LRRFIP2: variants seen among roughly 807,000 people sequenced by gnomAD.
LRRFIP2 encodes the protein LRR binding FLII interacting protein 2.
A neutral mutation model predicts 125.9 loss-of-function variants in LRRFIP2; 109 were observed. The observed-to-expected ratio is 0.87, with a 90% CI of 0.74 to 1.01. LRRFIP2 has a LOEUF of 1.01. Among genes scored for constraint, LRRFIP2 ranks in the 50% least tolerant of loss-of-function variants. The pLI, the probability that LRRFIP2 is intolerant of heterozygous loss-of-function variation, is 0.00. For missense variants in LRRFIP2, 850 were observed against 862.3 expected (o/e 0.99, Z 0.18); for synonymous variants, 291 against 293.1 (o/e 0.99, Z 0.07).
intron 1 of LRRFIP2, among the ~76,000 whole-genome samples, chr3:37,157,121 C>A (rs1459019111): frequency 2.6e-5 from 4 of 151,990 alleles, no homozygotes; most frequent in Non-Finnish European, 5.9e-5. Context: ...AAGAGTGCAA[C>A]CCCGTCTCAA....
rs547268419 is a variant in LRRFIP2 at position 37,115,241 on chromosome 3, T to C, written c.331-146A>G. ...AAACATGAAAGCTAATCCAGTTGAA[T>C]TAAAAAATATTCTTCCTCCTACTTT... On this transcript the variant is annotated intron_variant, in intron 6 of 27. Coordinates refer to ENST00000336686, the MANE Select transcript of LRRFIP2 (RefSeq NM_006309.4). 5.2e-6 allele frequency: 3 copies of C among 572,482 alleles called. No individual in the cohort carries two copies. The Admixed American group carries it at 8.8e-5, about 17-fold the overall frequency. 35.5% of individuals were successfully genotyped at this position (572,482 alleles called of 1,614,324 possible).
At chr3:37,056,491 T>G (rs1194832898) in intron 25 of LRRFIP2, among the ~76,000 whole-genome samples, 1 of 151,638 alleles carries the variant, frequency 6.6e-6, no homozygotes, top group Non-Finnish European at 1.5e-5. Flanking sequence ...TCTCGCTCTG[T>G]CGCCCAGGCT....
At chr3:37,134,699 C>G in intron 2 of LRRFIP2, 2 of 748,214 alleles carry the variant, frequency 2.7e-6, no homozygotes, top group Admixed American at 3.6e-5. Context: ...GTGATTTGGC[C>G]CATGACCCTC....
chr3:37,097,386 C>G (rs2093776996), intron 15 of LRRFIP2, among the ~76,000 whole-genome samples: 1 of 151,998 alleles, frequency 6.6e-6, no homozygotes, highest in African/African-American at 2.4e-5. Context: ...TGAGAAATTA[C>G]TTCATCTTTC....
chr3:37,137,562 T>A (rs2095588515), intron 2 of LRRFIP2, among the ~76,000 whole-genome samples: 1 of 152,194 alleles, frequency 6.6e-6, no homozygotes, highest in Non-Finnish European at 1.5e-5. Context: ...GTTCTCTGAA[T>A]AGAGAACTAG....
chr3:37,134,994 ATC>A, intron 2 of LRRFIP2: 1 of 1,518,112 alleles, frequency 6.6e-7, no homozygotes, highest in Non-Finnish European at 9.1e-7. Context: ...CTGCTATGTG[ATC>A]CAAACCCAGA....
intron 21 of LRRFIP2, 63 bp downstream of exon 21, chr3:37,072,727 G>T: frequency 1.0e-6 from 1 of 966,690 alleles, no homozygotes; most frequent in East Asian, 2.5e-5. Flanking sequence ...TCAATCTCTA[G>T]GTTAAATTCT....
intron 4 of LRRFIP2, among the ~76,000 whole-genome samples, chr3:37,122,548 T>A (rs1429620331): frequency 2.0e-5 from 3 of 152,234 alleles, no homozygotes; most frequent in Non-Finnish European, 4.4e-5. Context: ...TTATCACTGA[T>A]GTATTTTAAG....
intron 4 of LRRFIP2, among the ~76,000 whole-genome samples, chr3:37,125,208 AAC>A (rs1264471511): frequency 1.3e-5 from 2 of 152,210 alleles, no homozygotes; most frequent in African/African-American, 4.8e-5. Context: ...CTTTTCTGTC[AAC>A]AAATAGTATT....
intron 2 of LRRFIP2, chr3:37,134,745 AT>A: frequency 1.3e-6 from 1 of 777,358 alleles, no homozygotes; most frequent in Non-Finnish European, 2.3e-6. Context: ...TGAGGATGGT[AT>A]GTTTCATTGG....
At chr3:37,156,307 C>CT (rs1418263842) in intron 1 of LRRFIP2, among the ~76,000 whole-genome samples, 1 of 151,874 alleles carries the variant, frequency 6.6e-6, no homozygotes, top group Non-Finnish European at 1.5e-5. Flanking sequence ...AAGTGAAACT[C>CT]TATCTTTAAA....
In LRRFIP2 at chr3:37,100,901, C is replaced by T. The variant is rs185411698; in HGVS notation, c.873+2023G>A. 1.2e-3 allele frequency among the ~76,000 whole-genome samples: 190 copies of T among 152,228 alleles called. 1 individual carries two copies. The highest frequency in any genetic ancestry group is 2.8e-3 in the Admixed American group (43 of 15,290). On this transcript the variant is annotated intron_variant, in intron 15 of 27. Coordinates refer to ENST00000336686, the MANE Select transcript of LRRFIP2 (RefSeq NM_006309.4). Reference sequence around the variant, plus strand: ...GACCCACACCAAGATGATACTGTTGCATAGCCAGATTTGAGAACCAATGAT... The same window carrying T: ...GACCCACACCAAGATGATACTGTTGTATAGCCAGATTTGAGAACCAATGAT...
intron 1 of LRRFIP2, among the ~76,000 whole-genome samples, chr3:37,165,572 T>C (rs1319549986): frequency 2.0e-5 from 3 of 151,744 alleles, no homozygotes. Context: ...GCCTGACCAG[T>C]GAAACCCTGT....
chr3:37,165,694 G>GAACC (rs2096463038), intron 1 of LRRFIP2, among the ~76,000 whole-genome samples: 1 of 151,574 alleles, frequency 6.6e-6, no homozygotes, highest in South Asian at 2.1e-4. Context: ...GGTGGAGGTT[G>GAACC]CAGTGAGCCC....
At chr3:37,148,872 A>C (rs1442790806) in intron 2 of LRRFIP2, 22 bp downstream of exon 2, 2 of 1,613,658 alleles carry the variant, frequency 1.2e-6, no homozygotes, top group African/African-American at 2.7e-5. Flanking sequence ...CTCAGTGTTG[A>C]GAGGGGATTT....
chr3:37,160,417 A>G (rs1003468738), intron 1 of LRRFIP2, among the ~76,000 whole-genome samples: 4 of 152,212 alleles, frequency 2.6e-5, no homozygotes, highest in African/African-American at 9.6e-5. Context: ...AAAAATAACC[A>G]TCATTAATAT....
intron 27 of LRRFIP2, 43 bp downstream of exon 27, chr3:37,054,367 CT>C (rs776931687): frequency 1.1e-5 from 16 of 1,468,868 alleles, no homozygotes; most frequent in Admixed American, 7.4e-5. Flanking sequence ...AAGATTTTTT[CT>C]TTTTAGGAAT....
rs767426697 is a variant in LRRFIP2, at chr3:37,053,802, C to T, written c.*49G>A. ...TGTGTCAATGGACAAAAGTCAGTCC[C>T]TCTAGGTAGGGCCCCAAGGAGCATC... On this transcript the variant is annotated 3_prime_UTR_variant, in exon 28 of 28. Transcript: ENST00000336686. The T allele has an allele frequency of 9.5e-5, 123 of 1,295,460 alleles. No individual in the cohort carries two copies. Among genetic ancestry groups the T allele is most frequent in the Non-Finnish European group, 1.7e-5 (15 of 889,672 alleles). The allele number at this position is 1,295,460 out of a possible 1,614,324, so 80.2% of individuals were successfully genotyped here.
Position 37,060,731 on chromosome 3 carries a change from T to C in LRRFIP2, c.1750-1821A>G, listed in dbSNP as rs2088385106. Among the ~76,000 whole-genome samples, 1 of 152,140 alleles carries C rather than the reference T, an allele frequency of 6.6e-6. No homozygotes were observed. Among genetic ancestry groups the C allele is most frequent in the African/African-American group, 2.4e-5 (1 of 41,428 alleles). ...AGTCCCAGGTCTTAATCTCGTCTCT[T>C]CAAATTATATACACTAACTACTTAT... On this transcript the variant is annotated intron_variant, in intron 24 of 27. Coordinates refer to ENST00000336686, the MANE Select transcript of LRRFIP2 (RefSeq NM_006309.4). The surrounding 1 kb of genome is among the most constrained non-coding windows in gnomAD (Gnocchi z 4.1).
Sources: gnomAD v4.1 joint callset for allele counts (sites outside exome capture counted in the v4.1 genomes callset) on GRCh38, gnomAD v4.1.1 for gene constraint, Gnocchi (gnomAD v3.1) non-coding constraint, MANE v1.5 for transcripts, NCBI Gene and HGNC (gene_info 2026-07-23, HGNC 2026-07-21) for gene names.